The following FAM120C variants were observed in gnomAD, a reference collection of about 807,000 sequenced individuals.
FAM120C encodes family with sequence similarity 120 member C.
FAM120C carries 14 observed loss-of-function variants against 71.2 expected under a neutral mutation model. That is an observed-to-expected ratio of 0.20 (90% confidence interval 0.13 to 0.31). The LOEUF (loss-of-function observed/expected upper bound fraction) is 0.31, where lower values mean the gene tolerates loss of function less well. FAM120C is among the 10% of genes least tolerant of loss of function. The pLI is 1.00. For synonymous variants in FAM120C, 354 were observed against 353.2 expected (o/e 1.00, Z -0.03); for missense variants, 500 against 879.0 (o/e 0.57, Z 5.45).
At chrX:54,079,625 C>G (rs1557121083) in intron 15 of FAM120C, among the ~76,000 whole-genome samples, 1 of 110,971 alleles carries the variant, frequency 9.0e-6, no homozygotes, top group East Asian at 2.8e-4. Context: ...TGGAGAAACT[C>G]CATCTCTACT....
At position 54,087,656 on chromosome X, in the gene FAM120C, G is replaced by A. The variant is rs782087864; in HGVS notation, c.2637+99C>T. On this transcript the variant is annotated intron_variant, in intron 12 of 15. Transcript: ENST00000375180. ...AAGTGAGACACATTCTCCTGCTTCC[G>A]CCCCATCCCTCTCCACTATCTCTGC... The A allele has an allele frequency of 5.3e-5, 43 of 806,552 alleles. No individual in the cohort carries two copies. In the South Asian group the frequency reaches 8.7e-4, roughly 16 times the overall value. The allele number at this position is 806,552 out of a possible 1,213,427, so 66.5% of individuals were successfully genotyped here. A position where few individuals can be genotyped will look rare whatever the true frequency, so the allele number is the denominator to read the frequency against.
At chrX:54,098,885 C>T (rs1180123186) in intron 10 of FAM120C, among the ~76,000 whole-genome samples, 1 of 111,581 alleles carries the variant, frequency 9.0e-6, no homozygotes, top group Non-Finnish European at 1.9e-5. Context: ...TCCGAAAGTG[C>T]TGGTATTACA....
chrX:54,153,897 C>T (rs901378412), intron 3 of FAM120C, among the ~76,000 whole-genome samples: 19 of 108,931 alleles, frequency 1.7e-4, no homozygotes, highest in Non-Finnish European at 3.2e-4. Flanking sequence ...GATGGGGTTT[C>T]ACCATGTTGG....
In FAM120C at chrX:54,134,873, G is replaced by A. The variant is rs1557130125; in HGVS notation, c.1574C>T (p.Ser525Phe). The A allele has an allele frequency of 8.3e-7, 1 of 1,211,361 alleles. No homozygotes were observed. The highest frequency in any genetic ancestry group is 2.2e-5 in the Admixed American group (1 of 45,948). ...TGGCTCATCACCATCAGAGGAAGAG[G>A]AGTGGGAAGAGTCTGGTCCCAAAGG... The part of the protein sequence containing the change: ...SPPLGPDSSH[S>F]SSSDGDEPNG... Residue 525 changes from serine to phenylalanine, a missense_variant, in exon 7 of 16, where the codon TCC (serine) becomes TTC (phenylalanine). Ser to Phe is a radical substitution (Grantham distance 155, BLOSUM62 -2). Around this residue, in one of 11 missense-constraint regions of FAM120C, gnomAD observed 85 missense variants for 84.9 expected, o/e 1.00. Coordinates refer to ENST00000375180, the MANE Select transcript of FAM120C (RefSeq NM_017848.6).
At chrX:54,078,611 G>C (rs1247634528) in intron 15 of FAM120C, among the ~76,000 whole-genome samples, 2 of 111,651 alleles carry the variant, frequency 1.8e-5, no homozygotes, top group Non-Finnish European at 3.8e-5. Context: ...GCTGTATACA[G>C]AATAGATTTA....
chrX:54,158,166 G>T (rs1413335460), intron 2 of FAM120C, among the ~76,000 whole-genome samples: 1 of 112,030 alleles, frequency 8.9e-6, no homozygotes, highest in Admixed American at 9.5e-5. Context: ...ATTACTAACT[G>T]CCTAATGAGT....
At chrX:54,109,601 C>G (rs1198580738) in intron 10 of FAM120C, among the ~76,000 whole-genome samples, 1 of 105,197 alleles carries the variant, frequency 9.5e-6, no homozygotes, top group Admixed American at 1.0e-4. Context: ...GGTGACAGAG[C>G]AAGACCCTGG....
In FAM120C at chrX:54,087,749, T is replaced by C. The variant is rs1333428744; in HGVS notation, c.2637+6A>G. The C allele has an allele frequency of 2.1e-5, 25 of 1,206,030 alleles. No individual in the cohort carries two copies. The highest frequency in any genetic ancestry group is 2.8e-5 in the Non-Finnish European group (25 of 892,988). On this transcript the variant is annotated splice_donor_region_variant and intron_variant, in intron 12 of 15. Transcript: ENST00000375180. ...GCTAGTCCTTAGCAGCCTGACATGC[T>C]GGTACCTGGCCATCACAGAGCTCAA...
At chrX:54,113,321 G>A (rs1295168323) in intron 10 of FAM120C, among the ~76,000 whole-genome samples, 5 of 106,665 alleles carry the variant, frequency 4.7e-5, no homozygotes, top group Admixed American at 1.0e-4. Context: ...TTAGCCGGGC[G>A]TGGTGGCGTG....
chrX:54,074,783 C>T (rs2066727163), intron 15 of FAM120C, among the ~76,000 whole-genome samples: 1 of 112,566 alleles, frequency 8.9e-6, no homozygotes, highest in South Asian at 3.6e-4. Context: ...ATGATATGAA[C>T]TACATTACCT....
At chrX:54,168,982 A>G (rs1481166512) in intron 1 of FAM120C, among the ~76,000 whole-genome samples, 1 of 111,830 alleles carries the variant, frequency 8.9e-6, no homozygotes, top group Non-Finnish European at 1.9e-5. Context: ...TGAACCAATT[A>G]GGTCTGACTT....
At chrX:54,105,613 C>G in intron 10 of FAM120C, among the ~76,000 whole-genome samples, 1 of 111,877 alleles carries the variant, frequency 8.9e-6, no homozygotes, top group Middle Eastern at 4.6e-3. Context: ...AAGAGGAAGT[C>G]AAATTGTCCC....
At chrX:54,082,602 G>A (rs782354516) in intron 13 of FAM120C, among the ~76,000 whole-genome samples, 1 of 108,750 alleles carries the variant, frequency 9.2e-6, no homozygotes, top group East Asian at 3.0e-4. Context: ...AGAGACAGGG[G>A]TTCACCGTAT....
intron 11 of FAM120C, among the ~76,000 whole-genome samples, chrX:54,090,047 T>C (rs1557122459): frequency 9.0e-6 from 1 of 110,796 alleles, no homozygotes; most frequent in East Asian, 2.8e-4. Flanking sequence ...CAGTTGGATA[T>C]GTGACCCCTC....
intron 9 of FAM120C, among the ~76,000 whole-genome samples, chrX:54,118,516 G>T (rs1314670861): frequency 9.2e-6 from 1 of 109,062 alleles, no homozygotes; most frequent in South Asian, 4.0e-4. Context: ...AGTTTTGAAA[G>T]AAACTGACAA....
intron 2 of FAM120C, among the ~76,000 whole-genome samples, chrX:54,159,160 C>T (rs1483568813): frequency 9.0e-6 from 1 of 111,723 alleles, no homozygotes; most frequent in Non-Finnish European, 1.9e-5. Flanking sequence ...CTGGAATAAC[C>T]TGTAGCAACC....
chrX:54,137,134 G>A (rs1233150477), intron 4 of FAM120C, among the ~76,000 whole-genome samples: 2 of 110,627 alleles, frequency 1.8e-5, no homozygotes, highest in African/African-American at 6.6e-5. Context: ...TGTATTTTTA[G>A]TAGAGACAGG....
At chrX:54,125,592 G>C (rs782161339) in intron 9 of FAM120C, among the ~76,000 whole-genome samples, 1 of 112,996 alleles carries the variant, frequency 8.8e-6, no homozygotes, top group South Asian at 3.6e-4. Flanking sequence ...AAGCGTGAGC[G>C]GCCATGCCTG....
At chrX:54,115,077 G>A (rs1603355499) in intron 10 of FAM120C, among the ~76,000 whole-genome samples, 1 of 111,666 alleles carries the variant, frequency 9.0e-6, no homozygotes, top group African/African-American at 3.2e-5. Context: ...TTTTTAAAAG[G>A]CTAGTAAAAA....
Sources: allele counts gnomAD v4.1 joint callset (sites outside exome capture counted in the v4.1 genomes callset), GRCh38; gene constraint gnomAD v4.1.1; regional missense constraint gnomAD v4.1.1; transcripts MANE v1.5; gene names NCBI Gene and HGNC (gene_info 2026-07-23, HGNC 2026-07-21).